Variants in EIF2AK4 observed in about 807,000 individuals in gnomAD.
EIF2AK4 encodes the protein eIF-2-alpha kinase GCN2.
Under a neutral mutation model 211.1 loss-of-function variants are expected in EIF2AK4, and 139 were observed. That is an observed-to-expected ratio of 0.66 (90% CI 0.57 to 0.76). The LOEUF (loss-of-function observed/expected upper bound fraction) is 0.76, where lower values mean the gene tolerates loss of function less well. Ranked by LOEUF, EIF2AK4 falls within the 30% of genes least tolerant of loss-of-function variation. The probability of loss-of-function intolerance (pLI) is 0.00; values close to 1 mark genes in which losing one functional copy is unlikely to be tolerated. For missense variants in EIF2AK4, 1,664 were observed against 2,043.8 expected (o/e 0.81, Z 3.58); for synonymous variants, 710 against 751.3 (o/e 0.94, Z 0.90).
intron 1 of EIF2AK4, among the ~76,000 whole-genome samples, 162 bp downstream of exon 1, chr15:39,934,501 T>C (rs1490706741): frequency 6.6e-6 from 1 of 152,236 alleles, no homozygotes; most frequent in Admixed American, 6.5e-5. Context: ...CACCTGCAGC[T>C]GGTCTGCAGA....
In EIF2AK4 at chr15:39,939,561, A is replaced by G. The variant is rs1176343741; in HGVS notation, c.201A>G (p.Glu67=). Residue 67 remains glutamate, a synonymous_variant, in exon 2 of 39, where the codon GAA becomes GAG. Coordinates refer to ENST00000263791, the MANE Select transcript of EIF2AK4 (RefSeq NM_001013703.4). ...TGTACCCTCAAGGCCTAACTGGTGA[A>G]GAAGTATATGTAAAAGTGGATTTGA... ...LVLYPQGLTG[E]EVYVKVDLRV... is the part of the protein sequence containing the mutation. 6.2e-7 allele frequency: 1 copy of G among 1,613,122 alleles called. No homozygotes were observed. Among genetic ancestry groups the G allele is most frequent in the Non-Finnish European group, 8.5e-7 (1 of 1,179,492 alleles).
intron 9 of EIF2AK4, among the ~76,000 whole-genome samples, chr15:39,969,813 C>T (rs1407420392): frequency 6.6e-6 from 1 of 152,180 alleles, no homozygotes; most frequent in African/African-American, 2.4e-5. Flanking sequence ...AAATGCCATT[C>T]ACAAAGAATG....
intron 37 of EIF2AK4, 134 bp from the exon 38 acceptor site, chr15:40,034,192 G>A: frequency 1.5e-6 from 1 of 682,726 alleles, no homozygotes; most frequent in South Asian, 1.9e-5. Flanking sequence ...AACTGGTTCT[G>A]CTATCTCCCT....
chr15:39,972,712 C>T (rs1400543850), intron 9 of EIF2AK4, among the ~76,000 whole-genome samples, 196 bp from the exon 10 acceptor site: 2 of 152,006 alleles, frequency 1.3e-5, no homozygotes, highest in Non-Finnish European at 2.9e-5. Context: ...TTGTACCCAG[C>T]CTGTCGCATA....
chr15:40,027,846 G>A (rs1414153068), intron 33 of EIF2AK4, among the ~76,000 whole-genome samples: 3 of 151,234 alleles, frequency 2.0e-5, no homozygotes, highest in African/African-American at 2.4e-5. Context: ...AGTGGAGATC[G>A]TGGACTGCAC....
Position 40,003,187 on chromosome 15 carries a change from G to C in EIF2AK4, c.3236-6G>C. 2 of 1,613,380 alleles carry C rather than the reference G, an allele frequency of 1.2e-6. No homozygotes were observed. The highest frequency in any genetic ancestry group is 8.5e-7 in the Non-Finnish European group (1 of 1,179,802). ...ATGATGAGCTATTTTTTCTCATTTG[G>C]TGTAGGAGCTGTTCAGTTGTGTACT... is the stretch of plus-strand genomic sequence containing the variant. On this transcript the variant is annotated splice_polypyrimidine_tract_variant and splice_region_variant and intron_variant, in intron 22 of 38. Coordinates refer to ENST00000263791, the MANE Select transcript of EIF2AK4 (RefSeq NM_001013703.4).
intron 26 of EIF2AK4, among the ~76,000 whole-genome samples, chr15:40,010,931 C>A (rs1240949019): frequency 6.6e-6 from 1 of 152,186 alleles, no homozygotes; most frequent in African/African-American, 2.4e-5. Context: ...GGATGAAATG[C>A]CCAGAGCCTG....
At chr15:39,962,885 A>G (rs952907431) in intron 7 of EIF2AK4, among the ~76,000 whole-genome samples, 1 of 152,248 alleles carries the variant, frequency 6.6e-6, no homozygotes, top group Non-Finnish European at 1.5e-5. Flanking sequence ...TAATTGGTAT[A>G]GAAACCATTT....
intron 2 of EIF2AK4, among the ~76,000 whole-genome samples, chr15:39,942,324 C>T (rs914149875): frequency 1.3e-5 from 2 of 152,128 alleles, no homozygotes; most frequent in African/African-American, 4.8e-5. Context: ...CATCCCAGCT[C>T]TTTGGGGAGG....
intron 11 of EIF2AK4, chr15:39,975,294 A>AGT (rs1416211283): frequency 6.6e-6 from 1 of 150,596 alleles, no homozygotes; most frequent in African/African-American, 2.5e-5. Flanking sequence ...TGTACTACAA[A>AGT]GTGTGTGTTC....
At chr15:40,027,295 C>G (rs1287683493) in intron 33 of EIF2AK4, among the ~76,000 whole-genome samples, 1 of 152,180 alleles carries the variant, frequency 6.6e-6, no homozygotes, top group Admixed American at 6.5e-5. Context: ...TACCACAAAT[C>G]ATATAGTCTC....
At chr15:40,028,066 A>G (rs17722526) in intron 33 of EIF2AK4, among the ~76,000 whole-genome samples, 38,132 of 147,582 alleles carry the variant, frequency 0.26, 5,899 homozygotes, top group Non-Finnish European at 0.36. Context: ...GCTTTTCTAT[A>G]TATTTGCAAC....
chr15:39,996,087 A>C (rs1020630759), intron 18 of EIF2AK4, among the ~76,000 whole-genome samples: 7 of 151,968 alleles, frequency 4.6e-5, no homozygotes, highest in Non-Finnish European at 8.8e-5. Context: ...TTTAGATTCT[A>C]CATACCAGTG....
In EIF2AK4 at chr15:40,026,060, G is replaced by A. The variant is rs1567009906; in HGVS notation, c.4473G>A (p.Arg1491=). ...TGGACCATGTACTGCAGAAACTGAG[G>A]ACTAAAGTCACTGATGAAAGGAATG... ...ELVDHVLQKL[R]TKVTDERNGR... Residue 1491 remains arginine (R), a synonymous_variant, in exon 33 of 39, where the codon AGG becomes AGA. Transcript: ENST00000263791. 8 of 1,614,080 alleles carry A rather than the reference G, an allele frequency of 5.0e-6. No individual in the cohort carries two copies. The highest frequency in any genetic ancestry group is 6.8e-6 in the Non-Finnish European group (8 of 1,180,004).
At chr15:40,000,448 T>C (rs1485369978) in intron 20 of EIF2AK4, among the ~76,000 whole-genome samples, 1 of 152,228 alleles carries the variant, frequency 6.6e-6, no homozygotes, top group East Asian at 1.9e-4. Flanking sequence ...TGCCTTCATA[T>C]GGTTCACTGC....
chr15:39,975,831 T>A (rs2034685969), intron 11 of EIF2AK4, among the ~76,000 whole-genome samples: 4 of 152,240 alleles, frequency 2.6e-5, no homozygotes, highest in Non-Finnish European at 5.9e-5. Context: ...ACAAGTGCTT[T>A]ACAGTCACCA....
chr15:39,959,905 T>A (rs1199713954), intron 6 of EIF2AK4, among the ~76,000 whole-genome samples: 3 of 152,196 alleles, frequency 2.0e-5, no homozygotes, highest in Non-Finnish European at 4.4e-5. Flanking sequence ...GGCTCATGCC[T>A]GTAATCCCAG....
At chr15:39,941,104 C>T (rs1406203929) in intron 2 of EIF2AK4, among the ~76,000 whole-genome samples, 1 of 152,112 alleles carries the variant, frequency 6.6e-6, no homozygotes, top group African/African-American at 2.4e-5. Context: ...CCAGCACCTC[C>T]CTGTGTTCTT....
chr15:39,997,457 G>A (rs1358790626), intron 19 of EIF2AK4, among the ~76,000 whole-genome samples: 1 of 152,130 alleles, frequency 6.6e-6, no homozygotes, highest in Non-Finnish European at 1.5e-5. Flanking sequence ...CTAGGTTATA[G>A]TTGCTTTTTA....
Sources: gnomAD v4.1 joint callset for allele counts (sites outside exome capture counted in the v4.1 genomes callset) on GRCh38, gnomAD v4.1.1 for gene constraint, MANE v1.5 for transcripts, NCBI Gene and HGNC (gene_info 2026-07-23, HGNC 2026-07-21) for gene names.